The following TNFRSF1B variants were observed in gnomAD, a reference collection of about 807,000 sequenced individuals.
TNFRSF1B encodes tumor necrosis factor receptor superfamily member 1B.
A neutral mutation model predicts 44.6 loss-of-function variants in TNFRSF1B; 19 were observed. The ratio of observed to expected loss-of-function variants is 0.43; its 90% CI spans 0.30 to 0.62. The LOEUF is 0.62. Among genes scored for constraint, TNFRSF1B ranks in the 20% least tolerant of loss-of-function variants. The pLI, the probability that TNFRSF1B is intolerant of heterozygous loss-of-function variation, is 0.16. For synonymous variants in TNFRSF1B, 252 were observed against 261.1 expected (o/e 0.97, Z 0.34); for missense variants, 541 against 619.9 (o/e 0.87, Z 1.35).
intron 1 of TNFRSF1B, among the ~76,000 whole-genome samples, chr1:12,183,703 TCTATCTATTCTATCTACCTA>T (rs1485162749): frequency 1.8e-4 from 21 of 117,012 alleles, no homozygotes; most frequent in African/African-American, 5.1e-4. Context: ...TATCTATCTA[TCTATCTATTCTATCTACCTA>T]TCTATCTATC....
Position 12,169,037 on chromosome 1 carries a change from G to A in TNFRSF1B, c.78+1868G>A, listed in dbSNP as rs373110321. ...TGTCATTGTGCAAAAAGCATTGTCCGTGCCATCCCCTCTCCAAGGGACACT... is the reference window on the plus strand; with the variant it reads ...TGTCATTGTGCAAAAAGCATTGTCCATGCCATCCCCTCTCCAAGGGACACT... On this transcript the variant is annotated intron_variant, in intron 1 of 9. Coordinates refer to ENST00000376259, the MANE Select transcript of TNFRSF1B (RefSeq NM_001066.3). This position sits in a 1 kb window ranked among gnomAD's most constrained non-coding sequence, Gnocchi z 4.5. Among the ~76,000 whole-genome samples the A allele has an allele frequency of 5.9e-5, 9 of 152,236 alleles. No homozygotes were observed. The highest frequency in any genetic ancestry group is 2.1e-4 in the South Asian group (1 of 4,810).
chr1:12,179,475 A>G (rs1638742240), intron 1 of TNFRSF1B, among the ~76,000 whole-genome samples: 1 of 152,196 alleles, frequency 6.6e-6, no homozygotes, highest in Non-Finnish European at 1.5e-5. Flanking sequence ...TGGTTTCCGC[A>G]TTGCTTGAAG....
rs1638479144 is a variant in TNFRSF1B at position 12,169,694 on chromosome 1, CTT to C, written c.78+2526_78+2527del. On this transcript the variant is annotated intron_variant, in intron 1 of 9. Transcript: ENST00000376259. This position sits in a 1 kb window ranked among gnomAD's most constrained non-coding sequence, Gnocchi z 4.5. ...CAGGGCTTTTGCCCCGTTTAAAAGT[CTT>C]ATTTGCCAGCTGGTATGGAAAACAT... 6.6e-6 allele frequency among the ~76,000 whole-genome samples: 1 copy of C among 152,266 alleles called. No individual in the cohort carries two copies. Among genetic ancestry groups the C allele is most frequent in the African/African-American group, 2.4e-5 (1 of 41,470 alleles).
intron 1 of TNFRSF1B, among the ~76,000 whole-genome samples, chr1:12,174,157 T>TCTTCTTCTTCTTCTCCTTCTCCTTCTC (rs1638589998): frequency 1.0e-5 from 1 of 98,522 alleles, no homozygotes; most frequent in African/African-American, 4.8e-5. Flanking sequence ...TTCTTCTTCT[T>TCTTCTTCTTCTTCTCCTTCTCCTTCTC]CTTCTTCTCC....
intron 4 of TNFRSF1B, 21 bp downstream of exon 4, chr1:12,191,944 C>A: frequency 6.2e-7 from 1 of 1,602,378 alleles, no homozygotes; most frequent in Non-Finnish European, 8.5e-7. Flanking sequence ...GGGCTCAGGT[C>A]CTTGGGGACG....
At chr1:12,167,212 G>A in intron 1 of TNFRSF1B, 43 bp downstream of exon 1, 1 of 1,229,596 alleles carries the variant, frequency 8.1e-7, no homozygotes, top group Non-Finnish European at 1.0e-6. Context: ...CGCCCCGCAT[G>A]TCCACCCGGC....
chr1:12,191,959 T>C, intron 4 of TNFRSF1B, 36 bp downstream of exon 4: 3 of 1,595,142 alleles, frequency 1.9e-6, no homozygotes, highest in African/African-American at 1.3e-5. Context: ...GGGACGCCCA[T>C]GGGCCTCTCC....
rs1250581308 is a variant in TNFRSF1B, at chr1:12,168,429, C to A, written c.78+1260C>A. Among the ~76,000 whole-genome samples the A allele has an allele frequency of 6.6e-6, 1 of 152,152 alleles. No individual in the cohort carries two copies. The highest frequency in any genetic ancestry group is 6.5e-5 in the Admixed American group (1 of 15,270). ...CCTGGAGAACTGCCCCAGAGTAAGTCCTGGGTGGCCTTTGGGTCAGGAGAG... is the reference window on the plus strand; with the variant it reads ...CCTGGAGAACTGCCCCAGAGTAAGTACTGGGTGGCCTTTGGGTCAGGAGAG... On this transcript the variant is annotated intron_variant, in intron 1 of 9. Transcript: ENST00000376259. This position sits in a 1 kb window ranked among gnomAD's most constrained non-coding sequence, Gnocchi z 4.7.
chr1:12,193,186 A>G, intron 6 of TNFRSF1B, 88 bp downstream of exon 6: 1 of 1,247,484 alleles, frequency 8.0e-7, no homozygotes, highest in Non-Finnish European at 1.1e-6. Flanking sequence ...TTTTACTGAG[A>G]GCCCACGGGG....
chr1:12,167,985 T>C (rs2101071493), intron 1 of TNFRSF1B, among the ~76,000 whole-genome samples: 1 of 152,330 alleles, frequency 6.6e-6, no homozygotes, highest in Admixed American at 6.5e-5. Flanking sequence ...TTTGACTGTC[T>C]CCTGGTCTGG....
rs1178491933 is a variant in TNFRSF1B at position 12,180,279 on chromosome 1, AAAT to A, written c.79-8508_79-8506del. ...ACCCGGTCTCTTTCTATAAATGAAAAAATAATAATAAAGCCATGAAGATCCCCA... is the reference window on the plus strand; with the variant it reads ...ACCCGGTCTCTTTCTATAAATGAAAAAATAATAAAGCCATGAAGATCCCCA... On this transcript the variant is annotated intron_variant, in intron 1 of 9. Transcript: ENST00000376259. This position sits in a 1 kb window ranked among gnomAD's most constrained non-coding sequence, Gnocchi z 4.3. Among the ~76,000 whole-genome samples the A allele has an allele frequency of 6.6e-6, 1 of 152,188 alleles. No individual in the cohort carries two copies. Among genetic ancestry groups the A allele is most frequent in the African/African-American group, 2.4e-5 (1 of 41,430 alleles).
At position 12,202,147 on chromosome 1, in the gene TNFRSF1B, G is replaced by A. The variant is rs1442742097; in HGVS notation, c.1081G>A (p.Ala361Thr). ...CGTGGAGGCCAGTGGGGCCGGGGAGGCCCGGGCCAGCACCGGGAGCTCAGG... is the reference window on the plus strand; with the variant it reads ...CGTGGAGGCCAGTGGGGCCGGGGAGACCCGGGCCAGCACCGGGAGCTCAGG... ...PGVEASGAGEARASTGSSDSS... is the reference protein window; with the variant it reads ...PGVEASGAGETRASTGSSDSS... Residue 361 changes from alanine (A) to threonine (T), a missense_variant, in exon 9 of 10, where the codon GCC (alanine) becomes ACC (threonine). Coordinates refer to ENST00000376259, the MANE Select transcript of TNFRSF1B (RefSeq NM_001066.3). The A allele has an allele frequency of 7.1e-6, 11 of 1,552,454 alleles. No individual in the cohort carries two copies. The South Asian group carries it at 1.2e-4, about 17-fold the overall frequency.
intron 1 of TNFRSF1B, among the ~76,000 whole-genome samples, chr1:12,167,786 C>G (rs1638428572): frequency 6.6e-6 from 1 of 152,054 alleles, no homozygotes; most frequent in Admixed American, 6.5e-5. Flanking sequence ...ACTGCAGAGT[C>G]TGTTTTCTGC....
intron 5 of TNFRSF1B, 48 bp from the exon 6 acceptor site, chr1:12,192,811 CCCAG>C (rs1639176564): frequency 6.6e-7 from 1 of 1,510,112 alleles, no homozygotes; most frequent in African/African-American, 1.4e-5. Context: ...GCCCAGCCAC[CCCAG>C]CCACTCTGTC....
chr1:12,178,038 G>A lies in TNFRSF1B; in HGVS notation c.79-10758G>A, dbSNP rs151050008. On this transcript the variant is annotated intron_variant, in intron 1 of 9. Coordinates refer to ENST00000376259, the MANE Select transcript of TNFRSF1B (RefSeq NM_001066.3). This position sits in a 1 kb window ranked among gnomAD's most constrained non-coding sequence, Gnocchi z 4.3. ...ACCCCAGGTGGCCAGGCTCCTGAGC[G>A]CTATGCCTACCTCACCCTCCAATGA... is the stretch of plus-strand genomic sequence containing the variant. Among the ~76,000 whole-genome samples, 7 of 152,286 alleles carry A rather than the reference G, an allele frequency of 4.6e-5. No individual in the cohort carries two copies. The highest frequency in any genetic ancestry group is 1.4e-4 in the African/African-American group (6 of 41,566).
At chr1:12,192,040 T>C (rs1387141773) in intron 4 of TNFRSF1B, 117 bp downstream of exon 4, 1 of 1,367,134 alleles carries the variant, frequency 7.3e-7, no homozygotes, top group African/African-American at 1.4e-5. Flanking sequence ...CTGTTAGTGG[T>C]GGCCAGGTGC....
chr1:12,183,744 T>TCTATCTATTCTATCTACCTAC (rs1638896958), intron 1 of TNFRSF1B, among the ~76,000 whole-genome samples: 3 of 103,762 alleles, frequency 2.9e-5, no homozygotes, highest in African/African-American at 9.8e-5. Context: ...TATCTATCTA[T>TCTATCTATTCTATCTACCTAC]CTATCTAGCT....
In TNFRSF1B at chr1:12,168,807, C is replaced by A. The variant is rs1012631954; in HGVS notation, c.78+1638C>A. 2.0e-5 allele frequency among the ~76,000 whole-genome samples: 3 copies of A among 152,174 alleles called. No individual in the cohort carries two copies. The highest frequency in any genetic ancestry group is 6.5e-5 in the Admixed American group (1 of 15,278). The stretch of plus-strand genomic sequence containing the variant: ...GTAGCTGGTCTCCCGGCCCTGCCCC[C>A]TCTCCCGCTGATCCTTGGCAGAGAG... On this transcript the variant is annotated intron_variant, in intron 1 of 9. Transcript: ENST00000376259. This position sits in a 1 kb window ranked among gnomAD's most constrained non-coding sequence, Gnocchi z 4.7.
intron 2 of TNFRSF1B, among the ~76,000 whole-genome samples, chr1:12,189,149 C>G (rs1639053953): frequency 6.6e-6 from 1 of 152,192 alleles, no homozygotes; most frequent in African/African-American, 2.4e-5. Context: ...TCCAGGAAGG[C>G]TGCCTGCCCC....
Sources: allele counts gnomAD v4.1 joint callset (sites outside exome capture counted in the v4.1 genomes callset), GRCh38; gene constraint gnomAD v4.1.1; non-coding constraint Gnocchi (gnomAD v3.1); transcripts MANE v1.5; gene names NCBI Gene and HGNC (gene_info 2026-07-23, HGNC 2026-07-21).